The following MGMT variants were observed in gnomAD, a reference collection of about 807,000 sequenced individuals.
MGMT encodes methylated-DNA--protein-cysteine methyltransferase.
A neutral mutation model predicts 15.9 loss-of-function variants in MGMT; 14 were observed. The observed-to-expected ratio is 0.88, with a 90% confidence interval of 0.58 to 1.37. MGMT has a LOEUF of 1.37. Ranked by LOEUF, MGMT falls within the 40% of genes most tolerant of loss-of-function variation. The probability of loss-of-function intolerance (pLI) is 0.00; values close to 1 mark genes in which losing one functional copy is unlikely to be tolerated. For synonymous variants in MGMT, 130 were observed against 118.2 expected, an observed-to-expected ratio of 1.10 and a Z score of -0.65; for missense variants, 282 against 268.1, an observed-to-expected ratio of 1.05 and a Z score of -0.36.
chr10:129,744,917 C>A (rs1416333766), intron 3 of MGMT, among the ~76,000 whole-genome samples: 1 of 152,170 alleles, frequency 6.6e-6, no homozygotes, highest in African/African-American at 2.4e-5. Flanking sequence ...CTGACACCAC[C>A]CACCTTGCTT....
chr10:129,641,332 G>A lies in MGMT; in HGVS notation c.126-66563G>A, dbSNP rs537637015. 3.9e-5 allele frequency among the ~76,000 whole-genome samples: 6 copies of A among 152,300 alleles called. No individual in the cohort carries two copies. The South Asian group carries it at 1.2e-3, about 32-fold the overall frequency. The stretch of plus-strand genomic sequence containing the variant: ...ATTTAAAGAAATGGAGAGATATACT[G>A]TGTTCTTAGATTGGAAGACTCAATA... On this transcript the variant is annotated intron_variant, in intron 2 of 4. Transcript: ENST00000651593.
chr10:129,676,920 G>A (rs565723224), intron 2 of MGMT, among the ~76,000 whole-genome samples: 1 of 152,280 alleles, frequency 6.6e-6, no homozygotes, highest in East Asian at 1.9e-4. Context: ...CATTGAAAAA[G>A]CAGAGTTATT....
At chr10:129,642,815 A>G (rs934231649) in intron 2 of MGMT, among the ~76,000 whole-genome samples, 1 of 152,134 alleles carries the variant, frequency 6.6e-6, no homozygotes, top group African/African-American at 2.4e-5. Flanking sequence ...GTCTGTAGTC[A>G]CAGCTACTTG....
chr10:129,735,245 A>G lies in MGMT; in HGVS notation c.275-23957A>G, dbSNP rs1447088076. Among the ~76,000 whole-genome samples, 3 of 152,192 alleles carry G rather than the reference A, an allele frequency of 2.0e-5. No individual in the cohort carries two copies. In the East Asian group the frequency reaches 5.8e-4, roughly 29 times the overall value. ...TATTGCCACAATTTCAGCTCCTGTT[A>G]TTGGTCTATTCAGAGATTCAACTTC... On this transcript the variant is annotated intron_variant, in intron 3 of 4. Transcript: ENST00000651593.
At chr10:129,472,249 C>T (rs1432317579) in intron 1 of MGMT, among the ~76,000 whole-genome samples, 2 of 152,088 alleles carry the variant, frequency 1.3e-5, no homozygotes, top group African/African-American at 4.8e-5. Flanking sequence ...CTAGCTGGGT[C>T]CCCCTGGGCA....
intron 2 of MGMT, among the ~76,000 whole-genome samples, chr10:129,562,913 C>T (rs554164136): frequency 1.2e-4 from 18 of 152,294 alleles, no homozygotes; most frequent in East Asian, 5.8e-4. Flanking sequence ...TTTGAGTTTT[C>T]GAGCTTTATG....
At chr10:129,546,132 G>A (rs906443502) in intron 2 of MGMT, among the ~76,000 whole-genome samples, 4 of 152,238 alleles carry the variant, frequency 2.6e-5, no homozygotes, top group African/African-American at 4.8e-5. Context: ...TTCTCTAAAC[G>A]TGTGAGTGCC....
intron 2 of MGMT, among the ~76,000 whole-genome samples, chr10:129,602,677 G>A (rs947411113): frequency 7.9e-5 from 12 of 152,088 alleles, no homozygotes; most frequent in African/African-American, 1.7e-4. Flanking sequence ...TGGTGAGTGC[G>A]CCCCACGTGC....
chr10:129,604,860 G>A (rs917927625), intron 2 of MGMT, among the ~76,000 whole-genome samples: 1 of 151,448 alleles, frequency 6.6e-6, no homozygotes, highest in Admixed American at 6.6e-5. Context: ...TTTGCTTTTT[G>A]TTTAGTCTGC....
At chr10:129,525,601 A>G (rs574709128) in intron 1 of MGMT, among the ~76,000 whole-genome samples, 1 of 152,270 alleles carries the variant, frequency 6.6e-6, no homozygotes, top group South Asian at 2.1e-4. Context: ...CCAAAGCATC[A>G]TTAATCAGAA....
intron 2 of MGMT, among the ~76,000 whole-genome samples, chr10:129,682,047 G>A (rs1230979300): frequency 6.6e-6 from 1 of 152,150 alleles, no homozygotes; most frequent in African/African-American, 2.4e-5. Flanking sequence ...TCCACGCAGA[G>A]ACCACACACT....
chr10:129,684,634 AAC>A (rs1847886392), intron 2 of MGMT, among the ~76,000 whole-genome samples: 1 of 152,228 alleles, frequency 6.6e-6, no homozygotes, highest in African/African-American at 2.4e-5. Flanking sequence ...AAAGGAAGAA[AAC>A]ACAAAAATCA....
chr10:129,652,514 C>T (rs1237121747), intron 2 of MGMT, among the ~76,000 whole-genome samples: 2 of 152,218 alleles, frequency 1.3e-5, no homozygotes, highest in Non-Finnish European at 2.9e-5. Flanking sequence ...CTTTCAAAGG[C>T]CTGAGAGCAG....
intron 2 of MGMT, among the ~76,000 whole-genome samples, chr10:129,564,486 T>C (rs1246185234): frequency 3.0e-5 from 2 of 67,412 alleles, no homozygotes; most frequent in Admixed American, 1.8e-4. Context: ...TCCTCCTCCC[T>C]TCCTCCTCCC....
intron 4 of MGMT, among the ~76,000 whole-genome samples, chr10:129,761,021 A>G (rs955068833): frequency 6.6e-6 from 1 of 152,138 alleles, no homozygotes; most frequent in African/African-American, 2.4e-5. Context: ...GGTTTTTGAC[A>G]TTTCCCAATA....
At chr10:129,558,979 T>C (rs987243678) in intron 2 of MGMT, among the ~76,000 whole-genome samples, 5 of 152,180 alleles carry the variant, frequency 3.3e-5, no homozygotes, top group African/African-American at 1.2e-4. Flanking sequence ...CTTTGGCATA[T>C]GGGATTCAGA....
intron 2 of MGMT, among the ~76,000 whole-genome samples, chr10:129,539,154 C>A (rs573190667): frequency 5.9e-5 from 9 of 152,122 alleles, no homozygotes; most frequent in African/African-American, 2.2e-4. Context: ...TTATGTTTAA[C>A]ACTTTTTGTG....
rs1046022446 is a variant in MGMT, at chr10:129,517,766, C to A, written c.-12-18475C>A. ...CCCAGACCAGCTTCCTGTCTCCACA[C>A]CCTGACTCCAAACCCTCACTGTGAC... On this transcript the variant is annotated intron_variant, in intron 1 of 4. Coordinates refer to ENST00000651593, the MANE Select transcript of MGMT (RefSeq NM_002412.5). Among the ~76,000 whole-genome samples, 5 of 110,446 alleles carry A rather than the reference C, an allele frequency of 4.5e-5. No homozygotes were observed. In the East Asian group the frequency reaches 1.0e-3, roughly 23 times the overall value. 72.5% of individuals were successfully genotyped at this position (110,446 alleles called of 152,430 possible). A position where few individuals can be genotyped will look rare whatever the true frequency, so the allele number is the denominator to read the frequency against.
At chr10:129,637,019 G>A (rs147433418) in intron 2 of MGMT, among the ~76,000 whole-genome samples, 47 of 152,258 alleles carry the variant, frequency 3.1e-4, no homozygotes, top group African/African-American at 9.4e-4. Flanking sequence ...CTTGAATAAA[G>A]GTGTTTTTGT....
Sources: gnomAD v4.1 joint callset for allele counts (sites outside exome capture counted in the v4.1 genomes callset) on GRCh38, gnomAD v4.1.1 for gene constraint, MANE v1.5 for transcripts, NCBI Gene and HGNC (gene_info 2026-07-23, HGNC 2026-07-21) for gene names.